The following GRIK4 variants were observed in gnomAD, a reference collection of about 807,000 sequenced individuals.
The protein encoded by GRIK4 is glutamate ionotropic receptor kainate type subunit 4.
In GRIK4, 40 loss-of-function variants were observed where a neutral mutation model predicts 104.9. The observed-to-expected ratio is 0.38, with a 90% CI of 0.30 to 0.50. GRIK4 has a LOEUF of 0.50. Among genes scored for constraint, GRIK4 ranks in the 20% least tolerant of loss-of-function variants. The pLI is 0.93. For missense variants in GRIK4, 1,047 were observed against 1,308.1 expected (o/e 0.80, Z 3.08); for synonymous variants, 485 against 524.9 (o/e 0.92, Z 1.04).
intron 3 of GRIK4, among the ~76,000 whole-genome samples, chr11:120,664,065 A>G (rs73010228): frequency 0.039 from 6,015 of 152,340 alleles, 169 homozygotes; most frequent in Non-Finnish European, 0.058. Context: ...GCAAAGAAGT[A>G]TATGGGTGCA....
chr11:120,938,352 A>G (rs1466221906), intron 13 of GRIK4, among the ~76,000 whole-genome samples: 1 of 152,234 alleles, frequency 6.6e-6, no homozygotes, highest in East Asian at 1.9e-4. Context: ...TACAGAATGG[A>G]TCATTCACAT....
chr11:120,551,396 G>A (rs767292887), intron 1 of GRIK4, among the ~76,000 whole-genome samples: 12 of 152,188 alleles, frequency 7.9e-5, no homozygotes, highest in Admixed American at 1.3e-4. Flanking sequence ...ATACCCAGGA[G>A]GAAGGAATGC....
chr11:120,853,731 T>C (rs1954032651), intron 8 of GRIK4, among the ~76,000 whole-genome samples: 1 of 152,238 alleles, frequency 6.6e-6, no homozygotes, highest in South Asian at 2.1e-4. Flanking sequence ...GTCTTAAGGA[T>C]ATCTTCCTCC....
intron 8 of GRIK4, among the ~76,000 whole-genome samples, chr11:120,851,758 G>A (rs1005236435): frequency 6.6e-6 from 1 of 151,780 alleles, no homozygotes; most frequent in African/African-American, 2.4e-5. Flanking sequence ...CTGGAACACA[G>A]CAGAGTCAGC....
chr11:120,701,502 C>A (rs1950550642), intron 3 of GRIK4, among the ~76,000 whole-genome samples: 2 of 152,216 alleles, frequency 1.3e-5, no homozygotes, highest in African/African-American at 4.8e-5. Flanking sequence ...CATACCACAT[C>A]CTCTTTATCC....
At chr11:120,752,178 C>A (rs530578031) in intron 3 of GRIK4, among the ~76,000 whole-genome samples, 1 of 152,148 alleles carries the variant, frequency 6.6e-6, no homozygotes. Context: ...TCAGGGCAAC[C>A]GGGGCCTGCC....
intron 3 of GRIK4, among the ~76,000 whole-genome samples, chr11:120,729,471 T>C (rs1344923840): frequency 6.6e-6 from 1 of 152,242 alleles, no homozygotes; most frequent in Non-Finnish European, 1.5e-5. Context: ...GGTGAGATGA[T>C]ATCTTGCTGT....
At chr11:120,823,406 C>A (rs1404089733) in intron 6 of GRIK4, among the ~76,000 whole-genome samples, 2 of 152,222 alleles carry the variant, frequency 1.3e-5, no homozygotes, top group African/African-American at 4.8e-5. Flanking sequence ...TCAAACAGTT[C>A]CGTGCAGATG....
At chr11:120,570,536 C>T (rs1948384988) in intron 1 of GRIK4, among the ~76,000 whole-genome samples, 1 of 152,148 alleles carries the variant, frequency 6.6e-6, no homozygotes, top group Admixed American at 6.5e-5. Context: ...TCACTGTAGC[C>T]TCAACCTCCT....
intron 3 of GRIK4, among the ~76,000 whole-genome samples, chr11:120,741,065 T>A (rs546772850): frequency 6.6e-6 from 1 of 152,098 alleles, no homozygotes; most frequent in Non-Finnish European, 1.5e-5. Flanking sequence ...AGAACCCCAC[T>A]GCTGTGCTGT....
At chr11:120,580,742 A>T (rs902487920) in intron 1 of GRIK4, among the ~76,000 whole-genome samples, 1 of 152,086 alleles carries the variant, frequency 6.6e-6, no homozygotes, top group Non-Finnish European at 1.5e-5. Context: ...TTTTGAGTAC[A>T]GACATTGATG....
At chr11:120,558,265 T>C (rs866812815) in intron 1 of GRIK4, among the ~76,000 whole-genome samples, 3 of 152,246 alleles carry the variant, frequency 2.0e-5, no homozygotes, top group Admixed American at 6.5e-5. Context: ...TATTCTATAA[T>C]GTCAGCTCCT....
At chr11:120,533,477 C>A (rs1947942337) in intron 1 of GRIK4, among the ~76,000 whole-genome samples, 1 of 152,192 alleles carries the variant, frequency 6.6e-6, no homozygotes, top group African/African-American at 2.4e-5. Flanking sequence ...TCTCCCATTG[C>A]CCCTGCTGCC....
chr11:120,612,278 T>G (rs144748438), intron 1 of GRIK4, among the ~76,000 whole-genome samples: 1,753 of 152,296 alleles, frequency 0.012, 12 homozygotes, highest in Non-Finnish European at 0.021. Context: ...CTTTGTTGAA[T>G]GAATGAATGA....
intron 3 of GRIK4, among the ~76,000 whole-genome samples, chr11:120,720,490 C>T (rs1276245898): frequency 6.6e-6 from 1 of 152,134 alleles, no homozygotes; most frequent in African/African-American, 2.4e-5. Context: ...CTCCAGATGC[C>T]AGGCCTGGAC....
intron 13 of GRIK4, among the ~76,000 whole-genome samples, chr11:120,907,646 G>T (rs1942898063): frequency 6.6e-6 from 1 of 152,174 alleles, no homozygotes; most frequent in Admixed American, 6.5e-5. Flanking sequence ...GAGTGAGACG[G>T]AGATCAATGA....
intron 11 of GRIK4, among the ~76,000 whole-genome samples, chr11:120,897,391 T>C (rs1378981067): frequency 6.6e-6 from 1 of 151,322 alleles, no homozygotes; most frequent in Non-Finnish European, 1.5e-5. Context: ...TCCCAGCACT[T>C]TGGGAGGCCG....
chr11:120,643,734 C>T (rs1949502134), intron 1 of GRIK4, among the ~76,000 whole-genome samples: 1 of 152,182 alleles, frequency 6.6e-6, no homozygotes, highest in African/African-American at 2.4e-5. Context: ...ACCCGTGCCT[C>T]TTAGGGTTGT....
chr11:120,553,968 C>T (rs1348949628), intron 1 of GRIK4, among the ~76,000 whole-genome samples: 1 of 152,084 alleles, frequency 6.6e-6, no homozygotes, highest in Non-Finnish European at 1.5e-5. Flanking sequence ...TTTAAAAAAA[C>T]AAAACAGAGA....
Sources: gnomAD v4.1 joint callset for allele counts (sites outside exome capture counted in the v4.1 genomes callset) on GRCh38, gnomAD v4.1.1 for gene constraint, MANE v1.5 for transcripts, NCBI Gene and HGNC (gene_info 2026-07-23, HGNC 2026-07-21) for gene names.